Variants in TGM3 observed in about 807,000 individuals in gnomAD.
The protein encoded by TGM3 is protein-glutamine gamma-glutamyltransferase E.
A neutral mutation model predicts 73.8 loss-of-function variants in TGM3; 52 were observed. The ratio of observed to expected loss-of-function variants is 0.70; its 90% CI spans 0.56 to 0.89. The LOEUF is 0.89. Ranked by LOEUF, TGM3 falls within the 40% of genes least tolerant of loss-of-function variation. TGM3 has a pLI of 0.00. For missense variants in TGM3, 928 were observed against 909.9 expected (o/e 1.02, Z -0.26); for synonymous variants, 372 against 354.9 (o/e 1.05, Z -0.54).
chr20:2,332,417 G>A lies in TGM3; in HGVS notation c.1642+107G>A, dbSNP rs2084326592. 1.9e-6 allele frequency: 2 copies of A among 1,070,876 alleles called. No individual in the cohort carries two copies. The highest frequency in any genetic ancestry group is 2.6e-5 in the East Asian group (1 of 38,392). 66.3% of individuals were successfully genotyped at this position (1,070,876 alleles called of 1,614,324 possible). A position where few individuals can be genotyped will look rare whatever the true frequency, so the allele number is the denominator to read the frequency against. Reference sequence around the variant, plus strand: ...TCCAGGTTAGTCAGCTACGAATGGAGCAGCCAGCGGCCCCTGTGGTTAAGC... The same window carrying A: ...TCCAGGTTAGTCAGCTACGAATGGAACAGCCAGCGGCCCCTGTGGTTAAGC... On this transcript the variant is annotated intron_variant, in intron 10 of 12. Coordinates refer to ENST00000381458, the MANE Select transcript of TGM3 (RefSeq NM_003245.4). This position sits in a 1 kb window ranked among gnomAD's most constrained non-coding sequence, Gnocchi z 4.4.
chr20:2,328,224 A>C lies in TGM3; in HGVS notation c.1192A>C (p.Ile398Leu). 1.2e-6 allele frequency: 2 copies of C among 1,614,200 alleles called. No homozygotes were observed. The highest frequency in any genetic ancestry group is 1.7e-6 in the Non-Finnish European group (2 of 1,180,034). Residue 398 changes from isoleucine to leucine, a missense_variant, in exon 9 of 13, where the codon ATC (isoleucine) becomes CTC (leucine). Coordinates refer to ENST00000381458, the MANE Select transcript of TGM3 (RefSeq NM_003245.4). The surrounding 1 kb of genome is among the most constrained non-coding windows in gnomAD (Gnocchi z 5.2). ...CTTCGCGGAGGTTAATGCCGACCGC[A>C]TCACCTGGCTGTACGACAACACCAC... is the stretch of plus-strand genomic sequence containing the variant. ...FIFAEVNADR[I>L]TWLYDNTTGK... is the part of the protein sequence containing the mutation.
In TGM3 at chr20:2,317,186, C is replaced by A. The variant is rs750527679; in HGVS notation, c.788C>A (p.Ser263Tyr). 1.9e-6 allele frequency: 3 copies of A among 1,614,170 alleles called. No individual in the cohort carries two copies. Among genetic ancestry groups the A allele is most frequent in the Admixed American group, 1.7e-5 (1 of 60,024 alleles). ...GAGATCCTCAAAAATTGGAAAAAAT[C>A]TGGCTTCAGCCCAGTCCGATATGGC... ...SVEILKNWKKSGFSPVRYGQC... is the reference protein window; with the variant it reads ...SVEILKNWKKYGFSPVRYGQC... The change falls in exon 6 of 13, where the codon TCT becomes TAT. Residue 263 changes from serine to tyrosine, a missense_variant. By Grantham distance (144) the Ser-to-Tyr change is moderately radical. Transcript: ENST00000381458.
Position 2,303,902 on chromosome 20 carries a change from A to G in TGM3, c.8-5755A>G, listed in dbSNP as rs186091697. Among the ~76,000 whole-genome samples, 261 of 152,220 alleles carry G rather than the reference A, an allele frequency of 1.7e-3. 1 individual carries two copies. Among genetic ancestry groups the G allele is most frequent in the Non-Finnish European group, 3.0e-3 (201 of 68,006 alleles). On this transcript the variant is annotated intron_variant, in intron 1 of 12. Coordinates refer to ENST00000381458, the MANE Select transcript of TGM3 (RefSeq NM_003245.4). ...GGAGATGTCACACTGTGGGCAAACC[A>G]CCTCTCTGGCCTCCATGTGCTCACA...
At chr20:2,300,252 G>GAAAT in intron 1 of TGM3, among the ~76,000 whole-genome samples, 1 of 151,600 alleles carries the variant, frequency 6.6e-6, no homozygotes, top group Non-Finnish European at 1.5e-5. Flanking sequence ...AAGAAAGAAA[G>GAAAT]AAAAGAGAGG....
chr20:2,324,788 G>T (rs1226288293), intron 7 of TGM3, among the ~76,000 whole-genome samples: 1 of 152,140 alleles, frequency 6.6e-6, no homozygotes, highest in Non-Finnish European at 1.5e-5. Context: ...TTTCCTTAGA[G>T]CAAACTCATA....
Position 2,335,279 on chromosome 20 carries a change from G to T in TGM3, c.1800+6G>T. The T allele has an allele frequency of 2.5e-6, 4 of 1,613,842 alleles. No individual in the cohort carries two copies. Among genetic ancestry groups the T allele is most frequent in the East Asian group, 2.2e-5 (1 of 44,880 alleles). On this transcript the variant is annotated splice_donor_region_variant and intron_variant, in intron 11 of 12. Transcript: ENST00000381458. Reference sequence around the variant, plus strand: ...ACCCCACCTTGACCCTGGAGGTAATGGGGCTCCCCATCCTGTGGGAAGGGG... The same window carrying T: ...ACCCCACCTTGACCCTGGAGGTAATTGGGCTCCCCATCCTGTGGGAAGGGG...
chr20:2,317,922 C>CATATATATATATATATCATATATAT (rs1568627286), intron 7 of TGM3, among the ~76,000 whole-genome samples: 3 of 143,058 alleles, frequency 2.1e-5, no homozygotes, highest in African/African-American at 7.8e-5. Context: ...CTTCTCTTAG[C>CATATATATATATATATCATATATAT]ATATATATAT....
At chr20:2,329,056 T>C (rs1341956984) in intron 9 of TGM3, among the ~76,000 whole-genome samples, 2 of 152,244 alleles carry the variant, frequency 1.3e-5, no homozygotes, top group Non-Finnish European at 2.9e-5. Flanking sequence ...AAGTTCTGCA[T>C]TTGAAGACAA....
chr20:2,331,003 C>CAA (rs2084317712), intron 9 of TGM3, among the ~76,000 whole-genome samples: 1 of 22,312 alleles, frequency 4.5e-5, no homozygotes, highest in Admixed American at 5.5e-4. Context: ...GAGACCCTGT[C>CAA]ACAAAAAAAA....
chr20:2,317,922 CATAT>C (rs58550267), intron 7 of TGM3, among the ~76,000 whole-genome samples: 3,462 of 142,978 alleles, frequency 0.024, 77 homozygotes, highest in African/African-American at 0.055. Flanking sequence ...CTTCTCTTAG[CATAT>C]ATATATATAT....
At chr20:2,300,423 C>A (rs933747588) in intron 1 of TGM3, among the ~76,000 whole-genome samples, 3 of 152,176 alleles carry the variant, frequency 2.0e-5, no homozygotes, top group African/African-American at 7.2e-5. Flanking sequence ...TCTAAACTCT[C>A]TCTTAGGAAG....
rs1338391821 is a variant in TGM3 at position 2,332,205 on chromosome 20, AAGAC to A, written c.1540_1543del (p.Thr514Ter). ...GCTCAAAAACCTGAGCAGGGATACG[AAGAC>A]AGTGACAGTGAACATGACAGCCTGG... On this transcript the variant is annotated frameshift_variant, in exon 10 of 13. Coordinates refer to ENST00000381458, the MANE Select transcript of TGM3 (RefSeq NM_003245.4). LOFTEE classifies it high-confidence loss of function. The surrounding 1 kb of genome is among the most constrained non-coding windows in gnomAD (Gnocchi z 4.4). 6.2e-7 allele frequency: 1 copy of A among 1,614,020 alleles called. No individual in the cohort carries two copies. The highest frequency in any genetic ancestry group is 8.5e-7 in the Non-Finnish European group (1 of 1,180,014).
intron 7 of TGM3, 127 bp from the exon 8 acceptor site, chr20:2,325,722 C>A: frequency 1.4e-6 from 1 of 703,892 alleles, no homozygotes; most frequent in South Asian, 1.7e-5. Context: ...AGCATAACCG[C>A]CGTCACAGGG....
chr20:2,338,446 A>T lies in TGM3; in HGVS notation c.1801-1408A>T, dbSNP rs533716896. Among the ~76,000 whole-genome samples, 4 of 152,362 alleles carry T rather than the reference A, an allele frequency of 2.6e-5. No individual in the cohort carries two copies. In the East Asian group the frequency reaches 7.7e-4, roughly 29 times the overall value. ...CTTTCTTATAACCCAATAGCATAAAATTATGCTGCACTCTTCAAATTATGT... is the reference window on the plus strand; with the variant it reads ...CTTTCTTATAACCCAATAGCATAAATTTATGCTGCACTCTTCAAATTATGT... On this transcript the variant is annotated intron_variant, in intron 11 of 12. Coordinates refer to ENST00000381458, the MANE Select transcript of TGM3 (RefSeq NM_003245.4).
At chr20:2,310,057 A>C (rs2084194947) in intron 2 of TGM3, 121 bp from the exon 3 acceptor site, 7 of 1,464,950 alleles carry the variant, frequency 4.8e-6, no homozygotes, top group Non-Finnish European at 6.5e-6. Flanking sequence ...AGTTACTTCC[A>C]GTGGTAGAAT....
Position 2,332,315 on chromosome 20 carries a change from C to A in TGM3, c.1642+5C>A. The A allele has an allele frequency of 6.4e-7, 1 of 1,574,122 alleles. No individual in the cohort carries two copies. The highest frequency in any genetic ancestry group is 1.3e-5 in the African/African-American group (1 of 74,086). ...TGTCCCTGGACCCTGAGGAAGGTAA[C>A]GCATCCCGCAGTTGGAGGAGATCCA... On this transcript the variant is annotated splice_donor_5th_base_variant and intron_variant, in intron 10 of 12. Coordinates refer to ENST00000381458, the MANE Select transcript of TGM3 (RefSeq NM_003245.4). The surrounding 1 kb of genome is among the most constrained non-coding windows in gnomAD (Gnocchi z 4.4).
Position 2,317,442 on chromosome 20 carries a change from G to C in TGM3, c.940G>C (p.Asp314His). 2.5e-6 allele frequency: 4 copies of C among 1,614,204 alleles called. No homozygotes were observed. Among genetic ancestry groups the C allele is most frequent in the Non-Finnish European group, 3.4e-6 (4 of 1,180,030 alleles). The change falls in exon 7 of 13, where the codon GAC becomes CAC. Residue 314 changes from aspartate (D) to histidine (H), a missense_variant. Asp to His is a moderately conservative substitution (Grantham distance 81). Transcript: ENST00000381458. ...AAATCTCAGTGTGGATGTGTACTAC[G>C]ACCCCATGGGAAACCCCCTGGACAA... is the stretch of plus-strand genomic sequence containing the variant. ...DRNLSVDVYY[D>H]PMGNPLDKGS...
At position 2,317,049 on chromosome 20, in the gene TGM3, G is replaced by T; in HGVS notation, c.670-19G>T. ...AGGCATTAGTGCTGACTCATTTTGGGGGGGTGGTTTCTGCCCAGATCAATA... is the reference window on the plus strand; with the variant it reads ...AGGCATTAGTGCTGACTCATTTTGGTGGGGTGGTTTCTGCCCAGATCAATA... On this transcript the variant is annotated intron_variant, in intron 5 of 12. Transcript: ENST00000381458. 4 of 1,611,476 alleles carry T rather than the reference G, an allele frequency of 2.5e-6. No homozygotes were observed. The highest frequency in any genetic ancestry group is 1.7e-5 in the Admixed American group (1 of 60,010).
chr20:2,312,760 C>A, intron 4 of TGM3, 138 bp from the exon 5 acceptor site: 1 of 1,245,100 alleles, frequency 8.0e-7, no homozygotes, highest in Non-Finnish European at 1.1e-6. Context: ...GGTGGCTGTC[C>A]TCAGTAGCTC....
Sources: allele counts gnomAD v4.1 joint callset (sites outside exome capture counted in the v4.1 genomes callset), GRCh38; gene constraint gnomAD v4.1.1; non-coding constraint Gnocchi (gnomAD v3.1); transcripts MANE v1.5; gene names NCBI Gene and HGNC (gene_info 2026-07-23, HGNC 2026-07-21).